Variants in EPHB1 observed in about 807,000 individuals in gnomAD.
EPHB1 encodes ephrin type-B receptor 1.
In EPHB1, 30 loss-of-function variants were observed where a neutral mutation model predicts 94.4. The observed-to-expected ratio is 0.32, with a 90% CI of 0.24 to 0.43. The LOEUF is 0.43. Among genes scored for constraint, EPHB1 ranks in the 20% least tolerant of loss-of-function variants. EPHB1 has a pLI of 1.00. For synonymous variants in EPHB1, 522 were observed against 489.1 expected (o/e 1.07, Z -0.89); for missense variants, 1,055 against 1,308.3 (o/e 0.81, Z 2.99).
chr3:135,018,864 C>T (rs570222639), intron 3 of EPHB1, among the ~76,000 whole-genome samples: 1 of 152,280 alleles, frequency 6.6e-6, no homozygotes, highest in East Asian at 1.9e-4. Context: ...TGCACATGGG[C>T]TTTGGTGATG....
intron 2 of EPHB1, among the ~76,000 whole-genome samples, chr3:134,940,817 C>T (rs549795511): frequency 3.9e-5 from 6 of 152,164 alleles, no homozygotes; most frequent in African/African-American, 7.2e-5. Flanking sequence ...AAGGTCCATG[C>T]GGACAGGGAT....
At chr3:135,046,330 T>C (rs1010843209) in intron 3 of EPHB1, among the ~76,000 whole-genome samples, 1 of 152,202 alleles carries the variant, frequency 6.6e-6, no homozygotes, top group African/African-American at 2.4e-5. Context: ...GAGCTTCTAT[T>C]ACTAGCTGGT....
chr3:134,803,369 AG>A (rs1298844767), intron 1 of EPHB1, among the ~76,000 whole-genome samples: 2 of 152,232 alleles, frequency 1.3e-5, no homozygotes, highest in Admixed American at 6.5e-5. Context: ...CGAGGGGAGC[AG>A]GGGTCCAAGG....
At chr3:135,183,198 TCCTC>T (rs1289722506) in intron 10 of EPHB1, among the ~76,000 whole-genome samples, 8 of 128,630 alleles carry the variant, frequency 6.2e-5, no homozygotes, top group African/African-American at 1.0e-4. Context: ...CTCCCTTCCT[TCCTC>T]CCTCCCTCCC....
intron 3 of EPHB1, among the ~76,000 whole-genome samples, chr3:134,986,596 C>G (rs1015676522): frequency 2.6e-5 from 4 of 152,104 alleles, no homozygotes; most frequent in Non-Finnish European, 5.9e-5. Flanking sequence ...ACATAAAACT[C>G]TTATTTTCCA....
chr3:135,060,607 T>C (rs958121456), intron 3 of EPHB1, among the ~76,000 whole-genome samples: 1 of 151,896 alleles, frequency 6.6e-6, no homozygotes, highest in Non-Finnish European at 1.5e-5. Context: ...TATCAGACAG[T>C]TTTTTTTATG....
chr3:134,899,391 C>T (rs1472519424), intron 1 of EPHB1, among the ~76,000 whole-genome samples: 1 of 152,108 alleles, frequency 6.6e-6, no homozygotes, highest in Non-Finnish European at 1.5e-5. Flanking sequence ...AGCTTGTTGA[C>T]CCCCCAAAAC....
intron 1 of EPHB1, among the ~76,000 whole-genome samples, chr3:134,842,840 T>A (rs573485834): frequency 6.6e-6 from 1 of 152,210 alleles, no homozygotes; most frequent in African/African-American, 2.4e-5. Flanking sequence ...TCCTTACCCC[T>A]CCTTTGTGCT....
chr3:135,202,186 C>T (rs1259356943), intron 12 of EPHB1, among the ~76,000 whole-genome samples: 1 of 152,158 alleles, frequency 6.6e-6, no homozygotes, highest in African/African-American at 2.4e-5. Context: ...ATTTCCTGCT[C>T]AGCCTCCCCC....
chr3:134,991,724 T>C (rs563287940), intron 3 of EPHB1, among the ~76,000 whole-genome samples: 1 of 152,262 alleles, frequency 6.6e-6, no homozygotes, highest in Admixed American at 6.5e-5. Context: ...TTCTTTCAAC[T>C]TGAGGCCTTT....
chr3:134,801,258 C>A (rs2035930220), intron 1 of EPHB1, among the ~76,000 whole-genome samples: 2 of 152,230 alleles, frequency 1.3e-5, no homozygotes. Context: ...CCTATACACT[C>A]ATAGACACAG....
intron 3 of EPHB1, among the ~76,000 whole-genome samples, chr3:134,957,442 G>A (rs887901542): frequency 6.6e-6 from 1 of 152,168 alleles, no homozygotes; most frequent in African/African-American, 2.4e-5. Context: ...GACTGCAGGA[G>A]CAGGCTGGCA....
rs1204738747 is a variant in EPHB1 at position 135,237,825 on chromosome 3, G to A, written c.2347-3323G>A. 5.9e-5 allele frequency among the ~76,000 whole-genome samples: 9 copies of A among 152,290 alleles called. No homozygotes were observed. The East Asian group carries it at 1.5e-3, about 26-fold the overall frequency. On this transcript the variant is annotated intron_variant, in intron 12 of 15. Coordinates refer to ENST00000398015, the MANE Select transcript of EPHB1 (RefSeq NM_004441.5). ...TCATACCTGCACTGGGGAGCTGGGG[G>A]CTCTTAGGGCACTTTAAAGTCACAT...
At chr3:134,966,823 C>T (rs1021511838) in intron 3 of EPHB1, among the ~76,000 whole-genome samples, 8 of 152,240 alleles carry the variant, frequency 5.3e-5, no homozygotes, top group Admixed American at 1.3e-4. Flanking sequence ...CCCTGATGTA[C>T]GGTGCTGAAG....
chr3:134,879,783 C>T lies in EPHB1; in HGVS notation c.59-46033C>T, dbSNP rs148834067. ...TGTAGTGTTGCAGAAAGGTTTATAT[C>T]AAAACCTAGCCTGATGCCATCAAAA... On this transcript the variant is annotated intron_variant, in intron 1 of 15. Coordinates refer to ENST00000398015, the MANE Select transcript of EPHB1 (RefSeq NM_004441.5). Among the ~76,000 whole-genome samples the T allele has an allele frequency of 3.3e-5, 5 of 152,006 alleles. No homozygotes were observed. In the East Asian group the frequency reaches 9.7e-4, roughly 29 times the overall value.
At chr3:135,051,765 T>C (rs979428595) in intron 3 of EPHB1, among the ~76,000 whole-genome samples, 1 of 152,202 alleles carries the variant, frequency 6.6e-6, no homozygotes, top group South Asian at 2.1e-4. Context: ...CCATGCCTCC[T>C]GTCAGGAAGT....
intron 3 of EPHB1, among the ~76,000 whole-genome samples, chr3:135,080,251 T>G (rs1259742930): frequency 1.3e-5 from 2 of 152,096 alleles, no homozygotes; most frequent in Non-Finnish European, 2.9e-5. Flanking sequence ...GGCAAAATCA[T>G]GGGCTCAGAA....
At chr3:135,134,041 C>T (rs544446545) in intron 5 of EPHB1, among the ~76,000 whole-genome samples, 2 of 152,320 alleles carry the variant, frequency 1.3e-5, no homozygotes, top group Middle Eastern at 3.4e-3. Context: ...ATGCTATATG[C>T]ATGCAGTAAA....
At chr3:135,051,948 C>G (rs1559810434) in intron 3 of EPHB1, among the ~76,000 whole-genome samples, 1 of 152,102 alleles carries the variant, frequency 6.6e-6, no homozygotes, top group Admixed American at 6.5e-5. Context: ...GAGATATGAC[C>G]AGGAAAAGAT....
Sources: allele counts gnomAD v4.1 joint callset (sites outside exome capture counted in the v4.1 genomes callset), GRCh38; gene constraint gnomAD v4.1.1; transcripts MANE v1.5; gene names NCBI Gene and HGNC (gene_info 2026-07-23, HGNC 2026-07-21).